Variants in CACNA2D3 observed in about 807,000 individuals in gnomAD.
The protein encoded by CACNA2D3 is calcium voltage-gated channel auxiliary subunit alpha2delta 3.
In CACNA2D3, 60 loss-of-function variants were observed where a neutral mutation model predicts 160.6. The ratio of observed to expected loss-of-function variants is 0.37; its 90% CI spans 0.30 to 0.46. The LOEUF (loss-of-function observed/expected upper bound fraction) is 0.46, where lower values mean the gene tolerates loss of function less well. Ranked by LOEUF, CACNA2D3 falls within the 20% of genes least tolerant of loss-of-function variation. CACNA2D3 has a pLI of 1.00. For missense variants in CACNA2D3, 1,205 were observed against 1,365.0 expected, an observed-to-expected ratio of 0.88 and a Z score of 1.85; for synonymous variants, 558 against 492.9, an observed-to-expected ratio of 1.13 and a Z score of -1.75.
In CACNA2D3 at chr3:54,599,620, A is replaced by G. The variant is rs566706938; in HGVS notation, c.963+17743A>G. 3.9e-5 allele frequency among the ~76,000 whole-genome samples: 6 copies of G among 152,066 alleles called. No individual in the cohort carries two copies. In the South Asian group the frequency reaches 1.2e-3, roughly 32 times the overall value. ...CTAATTAATAAGGTGGGGGGGAGGA[A>G]AAAACCTCTGGTAGGCAAAACGGTG... On this transcript the variant is annotated intron_variant, in intron 9 of 37. Coordinates refer to ENST00000474759, the MANE Select transcript of CACNA2D3 (RefSeq NM_018398.3).
intron 2 of CACNA2D3, among the ~76,000 whole-genome samples, chr3:54,174,151 A>G (rs1040487345): frequency 6.6e-6 from 1 of 152,178 alleles, no homozygotes; most frequent in East Asian, 1.9e-4. Flanking sequence ...TTCCAGTACA[A>G]TTTCATGTAC....
intron 2 of CACNA2D3, among the ~76,000 whole-genome samples, chr3:54,265,703 A>G (rs13076892): frequency 6.6e-6 from 1 of 150,706 alleles, no homozygotes; most frequent in African/African-American, 2.4e-5. Flanking sequence ...GGGTATATAT[A>G]GTGTGTTTAT....
intron 9 of CACNA2D3, among the ~76,000 whole-genome samples, chr3:54,607,020 A>G (rs992605110): frequency 1.3e-5 from 2 of 152,188 alleles, no homozygotes; most frequent in South Asian, 4.1e-4. Context: ...TTGCCTCAGA[A>G]GTGAAGTTGA....
At chr3:54,951,095 G>A (rs537112708) in intron 27 of CACNA2D3, among the ~76,000 whole-genome samples, 1 of 152,256 alleles carries the variant, frequency 6.6e-6, no homozygotes, top group East Asian at 1.9e-4. Flanking sequence ...TCTACAGAAC[G>A]CTCCAACTAT....
intron 2 of CACNA2D3, among the ~76,000 whole-genome samples, chr3:54,216,134 CGTGT>C (rs35251785): frequency 5.4e-5 from 8 of 149,380 alleles, no homozygotes; most frequent in Non-Finnish European, 1.0e-4. Context: ...TTTAGTTGTA[CGTGT>C]GTGTGTGTGT....
chr3:55,012,714 T>C (rs1703236186), intron 34 of CACNA2D3, among the ~76,000 whole-genome samples: 1 of 152,070 alleles, frequency 6.6e-6, no homozygotes, highest in African/African-American at 2.4e-5. Context: ...GGGATGCAGC[T>C]AAATATCCTG....
rs774629455 is a variant in CACNA2D3, at chr3:54,838,580, A to G, written c.1483A>G (p.Ile495Val). The change falls in exon 16 of 38, where the codon ATT (isoleucine) becomes GTT (valine). Residue 495 changes from isoleucine to valine, a missense_variant. Around this residue, in one of 3 missense-constraint regions of CACNA2D3, gnomAD observed 911 missense variants for 1,002.2 expected, o/e 0.91. Coordinates refer to ENST00000474759, the MANE Select transcript of CACNA2D3 (RefSeq NM_018398.3). ...TTATTTTCGACAGAGATCGAAGGGC[A>G]TTCTTCTGGGAGTGGTTGGCACAGA... The part of the protein sequence containing the change: ...SKQNETRSKG[I>V]LLGVVGTDVP... 1 of 1,613,148 alleles carries G rather than the reference A, an allele frequency of 6.2e-7. No homozygotes were observed. The highest frequency in any genetic ancestry group is 1.1e-5 in the South Asian group (1 of 91,066).
intron 17 of CACNA2D3, among the ~76,000 whole-genome samples, chr3:54,853,421 C>T (rs964462660): frequency 2.6e-5 from 4 of 152,198 alleles, no homozygotes; most frequent in Non-Finnish European, 4.4e-5. Flanking sequence ...AGGTGACACA[C>T]GTTCATTCAC....
At chr3:54,386,692 C>CTT in intron 3 of CACNA2D3, 23 bp from the exon 4 acceptor site, 4 of 1,060,396 alleles carry the variant, frequency 3.8e-6, no homozygotes, top group Non-Finnish European at 2.7e-6. Context: ...ATGCTGTCTT[C>CTT]TGTTTTTTTT....
chr3:54,647,701 C>G (rs1699678825), intron 11 of CACNA2D3, among the ~76,000 whole-genome samples: 1 of 152,306 alleles, frequency 6.6e-6, no homozygotes. Flanking sequence ...CCAACAGGGC[C>G]TTGCTCCAAG....
At chr3:54,361,694 T>C (rs929049982) in intron 3 of CACNA2D3, among the ~76,000 whole-genome samples, 1 of 152,232 alleles carries the variant, frequency 6.6e-6, no homozygotes, top group Non-Finnish European at 1.5e-5. Context: ...ACAGGTTTGG[T>C]GACCTTGGGT....
intron 35 of CACNA2D3, among the ~76,000 whole-genome samples, chr3:55,030,626 G>T (rs1170652545): frequency 6.6e-6 from 1 of 152,114 alleles, no homozygotes; most frequent in Non-Finnish European, 1.5e-5. Context: ...TAATAATTGG[G>T]ATTAAAACCT....
chr3:54,252,559 T>C (rs79445871), intron 2 of CACNA2D3, among the ~76,000 whole-genome samples: 1 of 152,194 alleles, frequency 6.6e-6, no homozygotes, highest in Admixed American at 6.5e-5. Context: ...AAAATTAGAA[T>C]TGTGCACACT....
intron 2 of CACNA2D3, among the ~76,000 whole-genome samples, chr3:54,134,285 G>A (rs764363259): frequency 1.3e-5 from 2 of 152,058 alleles, no homozygotes; most frequent in Admixed American, 6.6e-5. Context: ...GGTGGTGAGC[G>A]GGGAGGGGTG....
chr3:54,928,548 T>G (rs1701094803), intron 27 of CACNA2D3, among the ~76,000 whole-genome samples: 1 of 152,140 alleles, frequency 6.6e-6, no homozygotes, highest in South Asian at 2.1e-4. Flanking sequence ...GAAGTCTTAT[T>G]CAGCCAACAT....
chr3:54,774,603 A>G (rs1314348333), intron 13 of CACNA2D3, among the ~76,000 whole-genome samples: 2 of 150,766 alleles, frequency 1.3e-5, no homozygotes, highest in Non-Finnish European at 3.0e-5. Flanking sequence ...GTTAATCCCA[A>G]TATTATTTTG....
At chr3:54,353,792 C>T (rs1698604958) in intron 3 of CACNA2D3, among the ~76,000 whole-genome samples, 2 of 152,162 alleles carry the variant, frequency 1.3e-5, no homozygotes, top group Non-Finnish European at 2.9e-5. Context: ...CTTCTTGCCA[C>T]CTGGTCCTGG....
chr3:54,387,976 C>A (rs1214502536), intron 4 of CACNA2D3, among the ~76,000 whole-genome samples: 2 of 152,214 alleles, frequency 1.3e-5, no homozygotes, highest in Non-Finnish European at 2.9e-5. Context: ...GAAGATGTGT[C>A]CTTGTCATCA....
At chr3:54,136,478 C>G (rs1252886748) in intron 2 of CACNA2D3, among the ~76,000 whole-genome samples, 1 of 152,228 alleles carries the variant, frequency 6.6e-6, no homozygotes, top group East Asian at 1.9e-4. Context: ...TCTTCCTTCT[C>G]TCACTTCTTC....
Sources: gnomAD v4.1 joint callset for allele counts (sites outside exome capture counted in the v4.1 genomes callset) on GRCh38, gnomAD v4.1.1 for gene constraint, gnomAD v4.1.1 regional missense constraint, MANE v1.5 for transcripts, NCBI Gene and HGNC (gene_info 2026-07-23, HGNC 2026-07-21) for gene names.